Variants in PTPRM observed in about 807,000 individuals in gnomAD.
PTPRM encodes receptor-type tyrosine-protein phosphatase mu.
In PTPRM, 47 loss-of-function variants were observed where a neutral mutation model predicts 186.7. The ratio of observed to expected loss-of-function variants is 0.25; its 90% CI spans 0.20 to 0.32. The LOEUF (loss-of-function observed/expected upper bound fraction) is 0.32. Among genes scored for constraint, PTPRM ranks in the 10% least tolerant of loss-of-function variants. The pLI is 1.00. For synonymous variants in PTPRM, 668 were observed against 674.9 expected, an observed-to-expected ratio of 0.99 and a Z score of 0.16; for missense variants, 1,494 against 1,865.0, an observed-to-expected ratio of 0.80 and a Z score of 3.66.
intron 14 of PTPRM, among the ~76,000 whole-genome samples, chr18:8,153,036 C>T (rs142995187): frequency 9.0e-4 from 137 of 152,240 alleles, no homozygotes; most frequent in African/African-American, 3.2e-3. Context: ...GTTCTTCGTC[C>T]ATTCCCCACC....
At chr18:7,745,229 C>T (rs1022135876) in intron 1 of PTPRM, among the ~76,000 whole-genome samples, 1 of 152,132 alleles carries the variant, frequency 6.6e-6, no homozygotes, top group African/African-American at 2.4e-5. Flanking sequence ...CCCTTTAAGC[C>T]AACCCTTTTG....
intron 2 of PTPRM, among the ~76,000 whole-genome samples, chr18:7,876,124 GTGTGTGTGTGTGTGCA>G (rs1449804190): frequency 4.6e-5 from 7 of 152,068 alleles, no homozygotes; most frequent in Admixed American, 1.3e-4. Context: ...GACTGTGTGT[GTGTGTGTGTGTGTGCA>G]TGTGTGTGTG....
intron 11 of PTPRM, among the ~76,000 whole-genome samples, chr18:8,107,697 C>A (rs1346688572): frequency 6.6e-6 from 1 of 152,192 alleles, no homozygotes; most frequent in African/African-American, 2.4e-5. Flanking sequence ...TATATCAGAG[C>A]AGGACAAAGA....
chr18:8,313,367 TC>T (rs1448768304), intron 20 of PTPRM, among the ~76,000 whole-genome samples: 2 of 152,094 alleles, frequency 1.3e-5, no homozygotes, highest in African/African-American at 4.8e-5. Context: ...GAAGGAAGGG[TC>T]CCTCTGCTAA....
At chr18:8,126,027 A>ATATATTTTTTTTTTTTTTT (rs57751538) in intron 13 of PTPRM, among the ~76,000 whole-genome samples, 1 of 69,536 alleles carries the variant, frequency 1.4e-5, no homozygotes, top group Non-Finnish European at 2.8e-5. Context: ...ATATATATAT[A>ATATATTTTTTTTTTTTTTT]TTTTAAATCA....
At chr18:8,071,809 A>G (rs1186056249) in intron 8 of PTPRM, among the ~76,000 whole-genome samples, 1 of 152,186 alleles carries the variant, frequency 6.6e-6, no homozygotes, top group African/African-American at 2.4e-5. Context: ...AGCTGTCTCC[A>G]GCTCTTCAGT....
chr18:7,989,547 A>T (rs1377362961), intron 7 of PTPRM, among the ~76,000 whole-genome samples: 1 of 152,184 alleles, frequency 6.6e-6, no homozygotes, highest in Non-Finnish European at 1.5e-5. Flanking sequence ...CCAAACAAGA[A>T]GCTGCAGGAT....
At position 8,051,146 on chromosome 18, in the gene PTPRM, T is replaced by A. The variant is rs139242264; in HGVS notation, c.1133-18540T>A. 1.5e-3 allele frequency among the ~76,000 whole-genome samples: 225 copies of A among 152,312 alleles called. 3 individuals carry two copies. The East Asian group carries it at 0.034, about 23-fold the overall frequency. On this transcript the variant is annotated intron_variant, in intron 7 of 32. Coordinates refer to ENST00000580170, the MANE Select transcript of PTPRM (RefSeq NM_001105244.2). ...TGGAACTGCTGAATCTTTAATGACG[T>A]ATGATCTTGCTTCCTGTAAGTTAAG... is the stretch of plus-strand genomic sequence containing the variant.
chr18:7,653,506 GT>G (rs1030742614), intron 1 of PTPRM, among the ~76,000 whole-genome samples: 1 of 151,948 alleles, frequency 6.6e-6, no homozygotes, highest in Non-Finnish European at 1.5e-5. Flanking sequence ...AGTGTGTGTT[GT>G]TCCCCTCTTT....
intron 2 of PTPRM, among the ~76,000 whole-genome samples, chr18:7,831,408 C>A (rs2045754070): frequency 6.6e-6 from 1 of 151,952 alleles, no homozygotes; most frequent in Non-Finnish European, 1.5e-5. Flanking sequence ...ACCTTTTATT[C>A]TAGCAAATCT....
intron 20 of PTPRM, among the ~76,000 whole-genome samples, chr18:8,303,940 C>G (rs1339757526): frequency 6.6e-6 from 1 of 152,164 alleles, no homozygotes; most frequent in African/African-American, 2.4e-5. Flanking sequence ...ATCCTCAGCC[C>G]AAATGCAGCC....
intron 2 of PTPRM, among the ~76,000 whole-genome samples, chr18:7,779,349 A>G (rs1267599424): frequency 6.6e-6 from 1 of 152,208 alleles, no homozygotes; most frequent in Non-Finnish European, 1.5e-5. Flanking sequence ...GGAATTGGGA[A>G]TGATGCTGCT....
chr18:7,885,114 C>T (rs1431114140), intron 2 of PTPRM, among the ~76,000 whole-genome samples: 1 of 151,986 alleles, frequency 6.6e-6, no homozygotes, highest in East Asian at 1.9e-4. Context: ...ATGAGACCAT[C>T]CTTGGCCCTG....
intron 19 of PTPRM, among the ~76,000 whole-genome samples, chr18:8,284,097 A>G (rs2147770554): frequency 6.6e-6 from 1 of 152,302 alleles, no homozygotes; most frequent in Middle Eastern, 3.4e-3. Context: ...CTATTGTGTG[A>G]AAGTCCATTC....
chr18:8,337,082 T>G (rs2095444200), intron 22 of PTPRM, among the ~76,000 whole-genome samples: 1 of 152,200 alleles, frequency 6.6e-6, no homozygotes, highest in African/African-American at 2.4e-5. Context: ...GCCTAGGGAA[T>G]AAGTTTTGGC....
At chr18:8,340,167 C>T (rs560488504) in intron 22 of PTPRM, among the ~76,000 whole-genome samples, 4 of 152,296 alleles carry the variant, frequency 2.6e-5, no homozygotes, top group East Asian at 3.9e-4. Context: ...GGCTGCACAG[C>T]GCCCCGCGCC....
At chr18:7,992,988 C>A (rs1405958318) in intron 7 of PTPRM, among the ~76,000 whole-genome samples, 1 of 151,722 alleles carries the variant, frequency 6.6e-6, no homozygotes, top group Non-Finnish European at 1.5e-5. Flanking sequence ...TTATAATGAG[C>A]ATCTGTTACC....
rs982550333 is a variant in PTPRM at position 8,291,151 on chromosome 18, T to C, written c.2755-5217T>C. Reference sequence around the variant, plus strand: ...CAGCCATCCCTCCTGCTCTCTCTCATTGGGCCTCTTGTTCAAAATTATGCC... The same window carrying C: ...CAGCCATCCCTCCTGCTCTCTCTCACTGGGCCTCTTGTTCAAAATTATGCC... On this transcript the variant is annotated intron_variant, in intron 19 of 32. Coordinates refer to ENST00000580170, the MANE Select transcript of PTPRM (RefSeq NM_001105244.2). Among the ~76,000 whole-genome samples the C allele has an allele frequency of 8.5e-5, 13 of 152,280 alleles. 1 individual carries two copies. The South Asian group carries it at 2.1e-3, about 24-fold the overall frequency.
chr18:8,114,874 GT>G, intron 13 of PTPRM, 47 bp downstream of exon 13: 1 of 1,537,494 alleles, frequency 6.5e-7, no homozygotes, highest in Non-Finnish European at 8.9e-7. Flanking sequence ...TTCCTTAAAA[GT>G]TTATTTTAAC....
Sources: gnomAD v4.1 joint callset for allele counts (sites outside exome capture counted in the v4.1 genomes callset) on GRCh38, gnomAD v4.1.1 for gene constraint, MANE v1.5 for transcripts, NCBI Gene and HGNC (gene_info 2026-07-23, HGNC 2026-07-21) for gene names.